The following ARG2 variants were observed in gnomAD, a reference collection of about 807,000 sequenced individuals.
ARG2 encodes arginase-2, mitochondrial.
Under a neutral mutation model 39.4 loss-of-function variants are expected in ARG2, and 21 were observed. The observed-to-expected ratio is 0.53, with a 90% CI of 0.38 to 0.77. ARG2 has a LOEUF of 0.77. Among genes scored for constraint, ARG2 ranks in the 30% least tolerant of loss-of-function variants. The pLI, the probability that ARG2 is intolerant of heterozygous loss-of-function variation, is 0.00. For synonymous variants in ARG2, 150 were observed against 156.7 expected, an observed-to-expected ratio of 0.96 and a Z score of 0.32; for missense variants, 378 against 426.2, an observed-to-expected ratio of 0.89 and a Z score of 1.00.
Position 67,650,802 on chromosome 14 carries a change from T to C in ARG2, c.947T>C (p.Val316Ala), listed in dbSNP as rs2037164110. Residue 316 changes from valine to alanine, a missense_variant, in exon 8 of 8, where the codon GTA becomes GCA. By Grantham distance (64) the Val-to-Ala change is moderately conservative. Transcript: ENST00000261783. ...EEAKTTANLA[V>A]DVIASSFGQT... ...GCGAAGACTACAGCTAACCTGGCAG[T>C]AGATGTGATTGCTTCAAGCTTTGGT... 6.2e-7 allele frequency: 1 copy of C among 1,614,014 alleles called. No individual in the cohort carries two copies. The highest frequency in any genetic ancestry group is 8.5e-7 in the Non-Finnish European group (1 of 1,180,016).
intron 2 of ARG2, among the ~76,000 whole-genome samples, chr14:67,623,687 G>A (rs1003126937): frequency 2.0e-5 from 3 of 151,886 alleles, no homozygotes; most frequent in African/African-American, 7.3e-5. Flanking sequence ...GATTACAGGT[G>A]CCTGCCACTG....
At chr14:67,628,020 CA>C in intron 2 of ARG2, among the ~76,000 whole-genome samples, 1 of 152,218 alleles carries the variant, frequency 6.6e-6, no homozygotes, top group Non-Finnish European at 1.5e-5. Context: ...TAGCAAAGAC[CA>C]AACCTGCTTT....
chr14:67,621,004 G>GT, intron 2 of ARG2, 38 bp downstream of exon 2: 1 of 1,580,718 alleles, frequency 6.3e-7, no homozygotes, highest in Non-Finnish European at 8.7e-7. Flanking sequence ...TGCAGGACTA[G>GT]TAATAGACCA....
intron 2 of ARG2, among the ~76,000 whole-genome samples, chr14:67,635,011 G>A (rs2036956555): frequency 6.6e-6 from 1 of 152,168 alleles, no homozygotes; most frequent in Non-Finnish European, 1.5e-5. Context: ...TTGGGAGGCT[G>A]AAGAGGGTGG....
intron 3 of ARG2, among the ~76,000 whole-genome samples, chr14:67,643,198 G>A (rs2037055804): frequency 6.6e-6 from 1 of 152,114 alleles, no homozygotes; most frequent in Admixed American, 6.5e-5. Context: ...GTACTTTATT[G>A]AGCACTGTTC....
At chr14:67,620,178 C>A in intron 1 of ARG2, 90 bp downstream of exon 1, 1 of 870,854 alleles carries the variant, frequency 1.1e-6, no homozygotes, top group Non-Finnish European at 1.7e-6. Context: ...GACCGGGAGG[C>A]GAGGAGAGGA....
At chr14:67,630,662 C>T (rs1197260067) in intron 2 of ARG2, among the ~76,000 whole-genome samples, 1 of 152,182 alleles carries the variant, frequency 6.6e-6, no homozygotes, top group Non-Finnish European at 1.5e-5. Flanking sequence ...TCACTGCAAC[C>T]TCCGCCTCCC....
rs749813786 is a variant in ARG2 at position 67,650,829 on chromosome 14, A to G, written c.974A>G (p.Gln325Arg). The change falls in exon 8 of 8, where the codon CAG (glutamine) becomes CGG (arginine). Residue 325 changes from glutamine to arginine, a missense_variant. By Grantham distance (43) the Gln-to-Arg change is conservative. Coordinates refer to ENST00000261783, the MANE Select transcript of ARG2 (RefSeq NM_001172.4). Reference sequence around the variant, plus strand: ...GATGTGATTGCTTCAAGCTTTGGTCAGACAAGAGAAGGAGGGCATATTGTC... The same window carrying G: ...GATGTGATTGCTTCAAGCTTTGGTCGGACAAGAGAAGGAGGGCATATTGTC... ...AVDVIASSFG[Q>R]TREGGHIVYD... The G allele has an allele frequency of 2.8e-5, 45 of 1,614,208 alleles. No homozygotes were observed. The highest frequency in any genetic ancestry group is 3.7e-5 in the Non-Finnish European group (44 of 1,180,032).
At position 67,642,342 on chromosome 14, in the gene ARG2, T is replaced by C. The variant is rs370383653; in HGVS notation, c.341T>C (p.Val114Ala). 1.8e-5 allele frequency: 29 copies of C among 1,613,826 alleles called. No homozygotes were observed. The highest frequency in any genetic ancestry group is 2.4e-5 in the Non-Finnish European group (28 of 1,179,986). ...GCTGTGTCAGATGGCTACAGCTGTG[T>C]CACACTGGGAGGAGACCACAGGTAA... ...SRAVSDGYSCVTLGGDHSLAI... is the reference protein window; with the variant it reads ...SRAVSDGYSCATLGGDHSLAI... The change falls in exon 3 of 8, where the codon GTC becomes GCC. Residue 114 changes from valine to alanine, a missense_variant. Physicochemically the swap from Val to Ala is moderately conservative, Grantham distance 64 (BLOSUM62 0). Coordinates refer to ENST00000261783, the MANE Select transcript of ARG2 (RefSeq NM_001172.4).
At chr14:67,647,949 C>A in intron 6 of ARG2, 98 bp from the exon 7 acceptor site, 1 of 1,198,284 alleles carries the variant, frequency 8.3e-7, no homozygotes. Flanking sequence ...GGACTAATAG[C>A]AACAAAATCA....
rs149110708 is a variant in ARG2 at position 67,623,747 on chromosome 14, G to A, written c.184+2781G>A. Among the ~76,000 whole-genome samples the A allele has an allele frequency of 3.3e-3, 499 of 152,054 alleles. 2 individuals are homozygous for A. Among genetic ancestry groups the A allele is most frequent in the African/African-American group, 0.012 (482 of 41,482 alleles). On this transcript the variant is annotated intron_variant, in intron 2 of 7. Coordinates refer to ENST00000261783, the MANE Select transcript of ARG2 (RefSeq NM_001172.4). ...AGTAGAGATGGGGTTTCACCATGTTGGCCAGGCTGATCTCGAACTCCTGAC... is the reference window on the plus strand; with the variant it reads ...AGTAGAGATGGGGTTTCACCATGTTAGCCAGGCTGATCTCGAACTCCTGAC...
rs539003820 is a variant in ARG2 at position 67,638,040 on chromosome 14, G to A, written c.185-4146G>A. Among the ~76,000 whole-genome samples the A allele has an allele frequency of 2.0e-5, 3 of 152,248 alleles. No individual in the cohort carries two copies. The East Asian group carries it at 5.8e-4, about 29-fold the overall frequency. Reference sequence around the variant, plus strand: ...AGCCACACAGATGGCAAAGTCCTAGGCATGAGAGCCACAAGCCAGGTCTCT... The same window carrying A: ...AGCCACACAGATGGCAAAGTCCTAGACATGAGAGCCACAAGCCAGGTCTCT... On this transcript the variant is annotated intron_variant, in intron 2 of 7. Coordinates refer to ENST00000261783, the MANE Select transcript of ARG2 (RefSeq NM_001172.4).
In ARG2 at chr14:67,650,886, A is replaced by G. The variant is rs926430133; in HGVS notation, c.1031A>G (p.Asp344Gly). ...CAACTTCCTACTCCCAGTTCACCAG[A>G]TGAATCAGAAAATCAAGCACGTGTG... ...YDQLPTPSSP[D>G]ESENQARVRI The change falls in exon 8 of 8, where the codon GAT becomes GGT. Residue 344 changes from aspartate to glycine, a missense_variant. Coordinates refer to ENST00000261783, the MANE Select transcript of ARG2 (RefSeq NM_001172.4). The G allele has an allele frequency of 1.2e-6, 2 of 1,614,024 alleles. No individual in the cohort carries two copies. The highest frequency in any genetic ancestry group is 2.7e-5 in the African/African-American group (2 of 74,946).
chr14:67,651,324 C>T lies in ARG2; in HGVS notation c.*404C>T, dbSNP rs762913933. The T allele has an allele frequency of 1.2e-6, 2 of 1,610,736 alleles. No individual in the cohort carries two copies. The highest frequency in any genetic ancestry group is 3.3e-5 in the Admixed American group (2 of 59,934). On this transcript the variant is annotated 3_prime_UTR_variant, in exon 8 of 8. Transcript: ENST00000261783. The stretch of plus-strand genomic sequence containing the variant: ...AGCAATATGCTTATTCTATCCACAT[C>T]CCTAACATCATGCATTCACAAGGTC...
intron 3 of ARG2, 93 bp from the exon 4 acceptor site, chr14:67,645,550 T>C (rs2037086473): frequency 1.4e-6 from 2 of 1,431,806 alleles, no homozygotes; most frequent in East Asian, 2.3e-5. Context: ...CTTTGCACTG[T>C]GGAGAGAGTA....
intron 3 of ARG2, among the ~76,000 whole-genome samples, chr14:67,645,067 C>A (rs948262576): frequency 1.9e-4 from 29 of 150,494 alleles, no homozygotes; most frequent in Admixed American, 1.3e-3. Context: ...TCTTTTTACT[C>A]AGTGGTCTAA....
intron 3 of ARG2, among the ~76,000 whole-genome samples, chr14:67,643,816 T>C (rs1427111035): frequency 3.5e-5 from 5 of 141,120 alleles, no homozygotes; most frequent in African/African-American, 1.4e-4. Flanking sequence ...AAATCTTTGT[T>C]ACATCTGGAG....
At chr14:67,638,755 A>T (rs2036999546) in intron 2 of ARG2, among the ~76,000 whole-genome samples, 1 of 152,218 alleles carries the variant, frequency 6.6e-6, no homozygotes, top group African/African-American at 2.4e-5. Flanking sequence ...AGCTTTGTGG[A>T]TGCAGAAACA....
At chr14:67,646,426 C>T (rs544616026) in intron 4 of ARG2, 24 of 516,904 alleles carry the variant, frequency 4.6e-5, no homozygotes, top group South Asian at 1.2e-4. Flanking sequence ...AGATTTTATT[C>T]GTCTTGAGAA....
Sources: allele counts gnomAD v4.1 joint callset (sites outside exome capture counted in the v4.1 genomes callset), GRCh38; gene constraint gnomAD v4.1.1; transcripts MANE v1.5; gene names NCBI Gene and HGNC (gene_info 2026-07-23, HGNC 2026-07-21).